Variants in SMAP1 observed in about 807,000 individuals in gnomAD.
SMAP1 encodes the protein small ArfGAP 1, also known as stromal membrane-associated protein 1.
Under a neutral mutation model 58.5 loss-of-function variants are expected in SMAP1, and 24 were observed. The ratio of observed to expected loss-of-function variants is 0.41; its 90% CI spans 0.30 to 0.58. SMAP1 has a LOEUF of 0.58. SMAP1 is among the 20% of genes least tolerant of loss of function. The pLI, the probability that SMAP1 is intolerant of heterozygous loss-of-function variation, is 0.29. For missense variants in SMAP1, 563 were observed against 566.3 expected (o/e 0.99, Z 0.06); for synonymous variants, 216 against 196.6 (o/e 1.10, Z -0.82).
intron 1 of SMAP1, among the ~76,000 whole-genome samples, chr6:70,713,455 TTTTTG>T (rs1441224756): frequency 4.6e-5 from 7 of 152,160 alleles, no homozygotes; most frequent in African/African-American, 1.7e-4. Context: ...GTTTGTTCTC[TTTTTG>T]TTTTTGTTTA....
chr6:70,739,302 A>C (rs896395543), intron 2 of SMAP1, among the ~76,000 whole-genome samples: 1 of 152,178 alleles, frequency 6.6e-6, no homozygotes, highest in Admixed American at 6.5e-5. Flanking sequence ...TGAGTTCTGC[A>C]GAAGAGAAAC....
intron 5 of SMAP1, among the ~76,000 whole-genome samples, chr6:70,795,873 G>T (rs900336981): frequency 6.6e-6 from 1 of 151,966 alleles, no homozygotes; most frequent in African/African-American, 2.4e-5. Flanking sequence ...AAGTAGCTGG[G>T]ATTACAGGCG....
intron 1 of SMAP1, among the ~76,000 whole-genome samples, chr6:70,720,930 A>G (rs1286789094): frequency 3.9e-5 from 6 of 152,096 alleles, no homozygotes; most frequent in African/African-American, 1.2e-4. Flanking sequence ...CATTTTCCCC[A>G]TGGTCACGGG....
At chr6:70,711,228 G>A (rs1429161287) in intron 1 of SMAP1, among the ~76,000 whole-genome samples, 7 of 152,100 alleles carry the variant, frequency 4.6e-5, no homozygotes, top group Non-Finnish European at 1.0e-4. Flanking sequence ...CAGTGCAATA[G>A]GTTTATTTAC....
chr6:70,692,663 C>T (rs62419696), intron 1 of SMAP1, among the ~76,000 whole-genome samples: 19 of 152,202 alleles, frequency 1.2e-4, no homozygotes, highest in Non-Finnish European at 2.5e-4. Flanking sequence ...GTACCATTTA[C>T]TGGAGAGACT....
At chr6:70,725,485 A>G (rs1371613524) in intron 1 of SMAP1, among the ~76,000 whole-genome samples, 1 of 152,068 alleles carries the variant, frequency 6.6e-6, no homozygotes, top group African/African-American at 2.4e-5. Flanking sequence ...GACCATGAGC[A>G]GTGAAGGGCT....
chr6:70,817,125 T>C (rs1203052966), intron 6 of SMAP1, among the ~76,000 whole-genome samples: 2 of 146,336 alleles, frequency 1.4e-5, no homozygotes, highest in Non-Finnish European at 3.0e-5. Flanking sequence ...TTAGAATATA[T>C]ATATATATAT....
chr6:70,785,001 T>C (rs1323220153), intron 4 of SMAP1, among the ~76,000 whole-genome samples: 1 of 152,090 alleles, frequency 6.6e-6, no homozygotes, highest in Non-Finnish European at 1.5e-5. Flanking sequence ...AGAATATACA[T>C]TTTTTTCAGC....
intron 3 of SMAP1, among the ~76,000 whole-genome samples, chr6:70,757,645 T>A (rs1422502687): frequency 3.3e-5 from 5 of 151,808 alleles, no homozygotes; most frequent in African/African-American, 1.2e-4. Context: ...ATATCCAGAA[T>A]CTACAATGAA....
intron 6 of SMAP1, among the ~76,000 whole-genome samples, chr6:70,817,072 T>G (rs1297449546): frequency 6.6e-6 from 1 of 151,292 alleles, no homozygotes; most frequent in East Asian, 1.9e-4. Context: ...ACAGGACCCC[T>G]TTCCCAGAAG....
At chr6:70,719,365 A>G (rs2149845335) in intron 1 of SMAP1, among the ~76,000 whole-genome samples, 1 of 152,260 alleles carries the variant, frequency 6.6e-6, no homozygotes, top group Middle Eastern at 3.4e-3. Flanking sequence ...TTCATTTTTT[A>G]TTCATTTTTA....
intron 6 of SMAP1, among the ~76,000 whole-genome samples, chr6:70,807,328 C>A (rs1366390054): frequency 6.6e-6 from 1 of 152,070 alleles, no homozygotes; most frequent in Non-Finnish European, 1.5e-5. Context: ...AAGGTAAAAC[C>A]TAAAAATGTA....
At chr6:70,839,267 G>A (rs1202030221) in intron 7 of SMAP1, among the ~76,000 whole-genome samples, 2 of 152,192 alleles carry the variant, frequency 1.3e-5, no homozygotes, top group Non-Finnish European at 2.9e-5. Context: ...ATTGCAATAT[G>A]TGTCTCCATT....
chr6:70,797,063 A>G (rs1768636450), intron 5 of SMAP1, among the ~76,000 whole-genome samples: 2 of 152,182 alleles, frequency 1.3e-5, no homozygotes, highest in South Asian at 4.1e-4. Flanking sequence ...TGGCTAATAA[A>G]AGGTTAAAAA....
chr6:70,768,645 T>G (rs1430170448), intron 3 of SMAP1, among the ~76,000 whole-genome samples: 1 of 152,248 alleles, frequency 6.6e-6, no homozygotes, highest in Admixed American at 6.5e-5. Flanking sequence ...CTCTCTTTTC[T>G]TGTTTATTAG....
intron 7 of SMAP1, among the ~76,000 whole-genome samples, chr6:70,846,246 G>A (rs1023631202): frequency 3.3e-5 from 5 of 152,090 alleles, no homozygotes; most frequent in African/African-American, 9.7e-5. Context: ...TTTGTTTTCC[G>A]CCATGGCTCT....
chr6:70,763,106 CTTT>C (rs35936929), intron 3 of SMAP1, among the ~76,000 whole-genome samples: 8 of 84,462 alleles, frequency 9.5e-5, no homozygotes, highest in African/African-American at 1.9e-4. Context: ...ACAGATATTA[CTTT>C]TTTTTTTTTT....
intron 6 of SMAP1, among the ~76,000 whole-genome samples, chr6:70,806,733 A>C (rs900760427): frequency 1.3e-5 from 2 of 152,234 alleles, no homozygotes; most frequent in Non-Finnish European, 2.9e-5. Context: ...TAAAGCCATT[A>C]ATATAGTTCT....
At chr6:70,837,666 C>CT (rs11431598) in intron 7 of SMAP1, 168,424 of 419,078 alleles carry the variant, frequency 0.4, 28,437 homozygotes, top group East Asian at 0.65. Flanking sequence ...TTCTCTCTCT[C>CT]TCTTTTTTTT....
Sources: allele counts gnomAD v4.1 joint callset (sites outside exome capture counted in the v4.1 genomes callset), GRCh38; gene constraint gnomAD v4.1.1; transcripts MANE v1.5; gene names NCBI Gene and HGNC (gene_info 2026-07-23, HGNC 2026-07-21).